KIDINS220: variants seen among roughly 807,000 people sequenced by gnomAD.
KIDINS220 encodes kinase D interacting substrate 220, also known as kinase D-interacting substrate of 220 kDa.
A neutral mutation model predicts 157.6 loss-of-function variants in KIDINS220; 63 were observed. The observed-to-expected ratio is 0.40, with a 90% CI of 0.33 to 0.49. The LOEUF (loss-of-function observed/expected upper bound fraction) is 0.49. KIDINS220 is among the 20% of genes least tolerant of loss of function. The probability of loss-of-function intolerance (pLI) is 0.66; values close to 1 mark genes in which losing one functional copy is unlikely to be tolerated. For missense variants in KIDINS220, 1,772 were observed against 2,171.2 expected (o/e 0.82, Z 3.65); for synonymous variants, 732 against 783.6 (o/e 0.93, Z 1.10).
intron 11 of KIDINS220, among the ~76,000 whole-genome samples, chr2:8,795,989 AG>A (rs1673857386): frequency 6.6e-6 from 1 of 151,902 alleles, no homozygotes. Context: ...TGGTAATGAC[AG>A]GGGGGAGGTG....
chr2:8,726,969 T>C (rs1663383343), downstream of KIDINS220: 1 of 1,259,386 alleles, frequency 7.9e-7, no homozygotes, highest in Non-Finnish European at 1.0e-6. Context: ...TTTAAAATTA[T>C]GTAAGATTGT....
chr2:8,745,732 GAGGTT>G (rs1272161708), intron 26 of KIDINS220, among the ~76,000 whole-genome samples: 1 of 152,178 alleles, frequency 6.6e-6, no homozygotes, highest in Non-Finnish European at 1.5e-5. Context: ...CCAGAAGGCT[GAGGTT>G]GCAGTGAGCT....
chr2:8,731,825 G>T lies in KIDINS220; in HGVS notation c.4211C>A (p.Thr1404Lys), dbSNP rs1292815413. ...MSQLEGGPGS[T>K]TISGRSSPHS... ...TGGAGAAGATCTGCCACTAATGGTT[G>T]TAGACCCGGGGCCCCCTTCTAACTG... Residue 1404 changes from threonine to lysine, a missense_variant, in exon 30 of 30, where the codon ACA becomes AAA. Physicochemically the swap from Thr to Lys is moderately conservative, Grantham distance 78. This residue lies in a region of KIDINS220 where 793 missense variants were observed against 885.5 expected (regional missense o/e 0.90). Coordinates refer to ENST00000256707, the MANE Select transcript of KIDINS220 (RefSeq NM_020738.4). This position sits in a 1 kb window ranked among gnomAD's most constrained non-coding sequence, Gnocchi z 5.2. 1 of 1,614,108 alleles carries T rather than the reference G, an allele frequency of 6.2e-7. No individual in the cohort carries two copies. Among genetic ancestry groups the T allele is most frequent in the South Asian group, 1.1e-5 (1 of 91,080 alleles).
rs756745239 is a variant in KIDINS220, at chr2:8,751,551, C to T, written c.3105G>A (p.Arg1035=). 2 of 1,613,114 alleles carry T rather than the reference C, an allele frequency of 1.2e-6. No homozygotes were observed. Among genetic ancestry groups the T allele is most frequent in the Non-Finnish European group, 1.7e-6 (2 of 1,179,346 alleles). ...IRNFEVFLSS[R]TPVLVARDVK... ...CATCTCGAGCCACAAGAACTGGGGT[C>T]CTTGAAGACAAAAACACTTCAAAAT... The change falls in exon 23 of 30, where the codon AGG becomes AGA. Residue 1035 remains arginine, a synonymous_variant. Coordinates refer to ENST00000256707, the MANE Select transcript of KIDINS220 (RefSeq NM_020738.4).
intron 4 of KIDINS220, among the ~76,000 whole-genome samples, chr2:8,814,766 C>T (rs1183018830): frequency 6.6e-6 from 1 of 152,192 alleles, no homozygotes; most frequent in Admixed American, 6.5e-5. Flanking sequence ...CTTACAGTGG[C>T]AGACACCACC....
At chr2:8,834,909 A>C (rs1680187972) in intron 1 of KIDINS220, among the ~76,000 whole-genome samples, 2 of 152,204 alleles carry the variant, frequency 1.3e-5, no homozygotes, top group Non-Finnish European at 2.9e-5. Context: ...TGGCACATTC[A>C]TAGCTCACTG....
Position 8,779,133 on chromosome 2 carries a change from C to G in KIDINS220, c.2377G>C (p.Val793Leu). The G allele has an allele frequency of 6.2e-7, 1 of 1,612,696 alleles. No individual in the cohort carries two copies. Among genetic ancestry groups the G allele is most frequent in the Non-Finnish European group, 8.5e-7 (1 of 1,179,874 alleles). The change falls in exon 19 of 30, where the codon GTT (valine) becomes CTT (leucine). Residue 793 changes from valine (V) to leucine (L), a missense_variant. This residue lies in a region of KIDINS220 where 725 missense variants were observed against 1,017.1 expected (regional missense o/e 0.71). Coordinates refer to ENST00000256707, the MANE Select transcript of KIDINS220 (RefSeq NM_020738.4). ...ATGAACGGGCCTTTTGAAAACAGAACTCGGACCTGTGGCAGAAGAAATGTA... is the reference window on the plus strand; with the variant it reads ...ATGAACGGGCCTTTTGAAAACAGAAGTCGGACCTGTGGCAGAAGAAATGTA... ...KVLQMLDTVR[V>L]LFSKGPFIAI...
chr2:8,755,298 T>A (rs1446056172), intron 22 of KIDINS220, among the ~76,000 whole-genome samples: 1 of 152,184 alleles, frequency 6.6e-6, no homozygotes, highest in Non-Finnish European at 1.5e-5. Context: ...GTTCCTTCAT[T>A]ACAAGCCCCC....
chr2:8,814,486 C>G (rs1676770836), intron 4 of KIDINS220, among the ~76,000 whole-genome samples: 1 of 147,022 alleles, frequency 6.8e-6, no homozygotes, highest in Admixed American at 6.8e-5. Context: ...GATGGACAGA[C>G]AGATGATAGA....
intron 6 of KIDINS220, 24 bp from the exon 7 acceptor site, chr2:8,806,393 A>C: frequency 7.0e-7 from 1 of 1,436,448 alleles, no homozygotes; most frequent in Non-Finnish European, 9.5e-7. Context: ...CAATAAATTT[A>C]AAATTATTAT....
intron 22 of KIDINS220, among the ~76,000 whole-genome samples, chr2:8,760,308 T>C (rs1471368867): frequency 6.6e-6 from 1 of 152,222 alleles, no homozygotes; most frequent in Non-Finnish European, 1.5e-5. Context: ...ATCAGCACTT[T>C]TTTGTTTACA....
At chr2:8,816,126 T>C (rs967059132) in intron 4 of KIDINS220, among the ~76,000 whole-genome samples, 3 of 152,208 alleles carry the variant, frequency 2.0e-5, no homozygotes, top group Non-Finnish European at 2.9e-5. Flanking sequence ...TTAATAAAGA[T>C]CCTTTAAATG....
intron 26 of KIDINS220, among the ~76,000 whole-genome samples, chr2:8,740,933 T>G (rs937928525): frequency 3.3e-5 from 5 of 152,238 alleles, no homozygotes; most frequent in Non-Finnish European, 7.3e-5. Context: ...CAACACTGTT[T>G]TAGTATATTA....
At chr2:8,771,015 T>C (rs547801657) in intron 21 of KIDINS220, among the ~76,000 whole-genome samples, 183 bp from the exon 22 acceptor site, 2 of 152,322 alleles carry the variant, frequency 1.3e-5, no homozygotes, top group African/African-American at 2.4e-5. Flanking sequence ...GTAAAGCTTT[T>C]AGGGCTTAAA....
intron 22 of KIDINS220, among the ~76,000 whole-genome samples, chr2:8,760,624 C>A (rs1399612573): frequency 6.6e-6 from 1 of 152,158 alleles, no homozygotes; most frequent in Non-Finnish European, 1.5e-5. Context: ...ATGTTACAGT[C>A]CCAAAACTAA....
intron 1 of KIDINS220, among the ~76,000 whole-genome samples, chr2:8,829,326 T>G (rs1284078890): frequency 6.6e-6 from 1 of 152,190 alleles, no homozygotes; most frequent in Admixed American, 6.5e-5. Flanking sequence ...TATAAATCAG[T>G]ATACCTTACT....
intron 4 of KIDINS220, among the ~76,000 whole-genome samples, chr2:8,816,750 CT>C (rs990452891): frequency 1.3e-5 from 2 of 152,210 alleles, no homozygotes; most frequent in African/African-American, 4.8e-5. Context: ...TCTCCCTAAA[CT>C]TTCACTGCAA....
At position 8,731,543 on chromosome 2, in the gene KIDINS220, T is replaced by G. The variant is rs1230424870; in HGVS notation, c.4493A>C (p.Glu1498Ala). The G allele has an allele frequency of 1.2e-6, 2 of 1,614,076 alleles. No homozygotes were observed. The highest frequency in any genetic ancestry group is 1.7e-5 in the Admixed American group (1 of 60,010). The change falls in exon 30 of 30, where the codon GAA becomes GCA. Residue 1498 changes from glutamate (E) to alanine (A), a missense_variant. Glu to Ala is a moderately radical substitution (Grantham distance 107). Around this residue, in one of 3 missense-constraint regions of KIDINS220, gnomAD observed 793 missense variants for 885.5 expected, o/e 0.90. Transcript: ENST00000256707. This position sits in a 1 kb window ranked among gnomAD's most constrained non-coding sequence, Gnocchi z 5.2. Reference sequence around the variant, plus strand: ...ATCTGTCTGGAAGAGGCTTGACCTTTCGGAAGATTTCTTGCCTGGGAGAAG... The same window carrying G: ...ATCTGTCTGGAAGAGGCTTGACCTTGCGGAAGATTTCTTGCCTGGGAGAAG... ...SKLLPGKKSS[E>A]RSSLFQTDLK... is the part of the protein sequence containing the mutation.
At chr2:8,788,591 A>G in intron 15 of KIDINS220, 56 bp downstream of exon 15, 1 of 1,557,554 alleles carries the variant, frequency 6.4e-7, no homozygotes, top group East Asian at 2.3e-5. Flanking sequence ...CCGAAGTGAA[A>G]AATATTTTTT....
Sources: allele counts gnomAD v4.1 joint callset (sites outside exome capture counted in the v4.1 genomes callset), GRCh38; gene constraint gnomAD v4.1.1; regional missense constraint gnomAD v4.1.1; non-coding constraint Gnocchi (gnomAD v3.1); transcripts MANE v1.5; gene names NCBI Gene and HGNC (gene_info 2026-07-23, HGNC 2026-07-21).